The following FAM185A variants were observed in gnomAD, a reference collection of about 807,000 sequenced individuals.
FAM185A encodes the protein family with sequence similarity 185 member A, also known as protein FAM185A.
Under a neutral mutation model 45.7 loss-of-function variants are expected in FAM185A, and 21 were observed. The observed-to-expected ratio is 0.46, with a 90% CI of 0.33 to 0.66. The LOEUF (loss-of-function observed/expected upper bound fraction) is 0.66. Ranked by LOEUF, FAM185A falls within the 30% of genes least tolerant of loss-of-function variation. The pLI, the probability that FAM185A is intolerant of heterozygous loss-of-function variation, is 0.03. For synonymous variants in FAM185A, 117 were observed against 194.0 expected (o/e 0.60, Z 3.30); for missense variants, 305 against 485.4 (o/e 0.63, Z 3.49).
At chr7:102,794,696 C>G (rs1562873850) in intron 7 of FAM185A, among the ~76,000 whole-genome samples, 1 of 152,146 alleles carries the variant, frequency 6.6e-6, no homozygotes, top group Non-Finnish European at 1.5e-5. Flanking sequence ...TATGTTCACA[C>G]AAAAACCTGT....
chr7:102,791,313 TAGG>T lies in FAM185A; in HGVS notation c.1066+3848_1066+3850del, dbSNP rs1446109200. On this transcript the variant is annotated intron_variant, in intron 7 of 7. Transcript: ENST00000413034. The stretch of plus-strand genomic sequence containing the variant: ...GGAGAAAAAAACAACTTTTGCTTTT[TAGG>T]AGGTTACTGCAGTAATTCAGCAGAA... Among the ~76,000 whole-genome samples, 27 of 152,180 alleles carry T rather than the reference TAGG, an allele frequency of 1.8e-4. No individual in the cohort carries two copies. The East Asian group carries it at 5.0e-3, about 28-fold the overall frequency.
At chr7:102,840,945 C>G in the FAM185A span, among the ~76,000 whole-genome samples, 1 of 152,088 alleles carries the variant, frequency 6.6e-6, no homozygotes, top group Non-Finnish European at 1.5e-5. Context: ...CTGGAACGAT[C>G]CTATCTATGA....
intron 7 of FAM185A, among the ~76,000 whole-genome samples, chr7:102,806,408 C>T (rs1797115693): frequency 6.6e-6 from 1 of 152,184 alleles, no homozygotes; most frequent in African/African-American, 2.4e-5. Context: ...TGGTCCCAAA[C>T]TCCTGACCGC....
intron 7 of FAM185A, among the ~76,000 whole-genome samples, chr7:102,798,379 G>C (rs1216818294): frequency 1.3e-5 from 2 of 152,206 alleles, no homozygotes; most frequent in Non-Finnish European, 2.9e-5. Context: ...TGGCAAGATA[G>C]AGAAAGCTAT....
At chr7:102,837,037 G>A in the FAM185A span, among the ~76,000 whole-genome samples, 1 of 152,184 alleles carries the variant, frequency 6.6e-6, no homozygotes. Flanking sequence ...CTGCCCCAAA[G>A]GCTAAAATGC....
intron 4 of FAM185A, among the ~76,000 whole-genome samples, chr7:102,771,964 T>C (rs200641079): frequency 0.17 from 25,111 of 150,404 alleles, 1,930 homozygotes; most frequent in Middle Eastern, 0.26. Context: ...TTTAATTTAA[T>C]AGACATGGCA....
At chr7:102,786,911 CT>C (rs1249875097) in intron 6 of FAM185A, among the ~76,000 whole-genome samples, 2 of 151,320 alleles carry the variant, frequency 1.3e-5, no homozygotes, top group Non-Finnish European at 2.9e-5. Context: ...TGAGCAAGTT[CT>C]TATCTATAAA....
intron 7 of FAM185A, among the ~76,000 whole-genome samples, chr7:102,794,069 C>T (rs1423452267): frequency 6.6e-6 from 1 of 151,332 alleles, no homozygotes; most frequent in Non-Finnish European, 1.5e-5. Context: ...AGTAAAAGCC[C>T]TTCTTAGCTT....
At chr7:102,821,946 G>T in the FAM185A span, 1 of 1,297,808 alleles carries the variant, frequency 7.7e-7, no homozygotes, top group African/African-American at 1.5e-5. Context: ...TCCTAACACT[G>T]AAAGCTGCTA....
At chr7:102,782,267 A>G (rs1244652210) in intron 6 of FAM185A, among the ~76,000 whole-genome samples, 1 of 152,250 alleles carries the variant, frequency 6.6e-6, no homozygotes, top group Non-Finnish European at 1.5e-5. Flanking sequence ...CTAGCAAGGC[A>G]GGCCAACATT....
intron 7 of FAM185A, among the ~76,000 whole-genome samples, chr7:102,807,227 G>C (rs769379414): frequency 1.7e-4 from 26 of 152,068 alleles, no homozygotes; most frequent in Non-Finnish European, 2.6e-4. Context: ...ATGAGGGAAA[G>C]ACTGTACTTG....
the FAM185A span, among the ~76,000 whole-genome samples, chr7:102,831,701 T>C: frequency 2.3e-4 from 35 of 152,150 alleles, no homozygotes; most frequent in African/African-American, 8.2e-4. Context: ...GATTTTTTTT[T>C]CCAGCTTTCT....
At chr7:102,834,085 GAAA>G in the FAM185A span, among the ~76,000 whole-genome samples, 9 of 79,180 alleles carry the variant, frequency 1.1e-4, no homozygotes, top group African/African-American at 4.9e-4. Flanking sequence ...AGGAAGGAAA[GAAA>G]AGAAAGAAAG....
the FAM185A span, chr7:102,833,111 A>G: frequency 7.9e-6 from 7 of 886,222 alleles, 1 homozygote; most frequent in South Asian, 1.3e-4. Context: ...AAAATAATTT[A>G]AAAAACCCAT....
chr7:102,819,007 G>A, the FAM185A span, among the ~76,000 whole-genome samples: 1 of 152,044 alleles, frequency 6.6e-6, no homozygotes, highest in Non-Finnish European at 1.5e-5. Context: ...ATCTGTCCAT[G>A]TGTTGTCATC....
the FAM185A span, among the ~76,000 whole-genome samples, chr7:102,846,805 T>C: frequency 6.6e-6 from 1 of 151,920 alleles, no homozygotes; most frequent in Non-Finnish European, 1.5e-5. Flanking sequence ...AGGCCACCTA[T>C]GCAAGCACAG....
At chr7:102,792,548 C>T (rs921236489) in intron 7 of FAM185A, among the ~76,000 whole-genome samples, 1 of 78,144 alleles carries the variant, frequency 1.3e-5, no homozygotes. Flanking sequence ...CATCAAGTCT[C>T]CAAGCCCAGG....
chr7:102,823,882 ACT>A, the FAM185A span, among the ~76,000 whole-genome samples: 1 of 151,956 alleles, frequency 6.6e-6, no homozygotes. Context: ...ATTATAACTG[ACT>A]CTCACAAAAA....
chr7:102,753,471 T>G (rs1415605731), intron 2 of FAM185A, among the ~76,000 whole-genome samples: 1 of 152,076 alleles, frequency 6.6e-6, no homozygotes, highest in Non-Finnish European at 1.5e-5. Flanking sequence ...GGTGATTTGT[T>G]GTGGGGGCCT....
Sources: allele counts gnomAD v4.1 joint callset (sites outside exome capture counted in the v4.1 genomes callset), GRCh38; gene constraint gnomAD v4.1.1; transcripts MANE v1.5; gene names NCBI Gene and HGNC (gene_info 2026-07-23, HGNC 2026-07-21).